The following CAMK2D variants were observed in gnomAD, a reference collection of about 807,000 sequenced individuals.
The protein encoded by CAMK2D is calcium/calmodulin dependent protein kinase II delta.
A neutral mutation model predicts 84.0 loss-of-function variants in CAMK2D; 37 were observed. The observed-to-expected ratio is 0.44, with a 90% CI of 0.34 to 0.58. CAMK2D has a LOEUF of 0.58. Ranked by LOEUF, CAMK2D falls within the 20% of genes least tolerant of loss-of-function variation. The pLI is 0.02. For synonymous variants in CAMK2D, 202 were observed against 212.5 expected, an observed-to-expected ratio of 0.95 and a Z score of 0.43; for missense variants, 448 against 652.5, an observed-to-expected ratio of 0.69 and a Z score of 3.41.
intron 2 of CAMK2D, among the ~76,000 whole-genome samples, chr4:113,741,759 T>C (rs141386030): frequency 1.2e-4 from 19 of 152,296 alleles, no homozygotes; most frequent in African/African-American, 4.6e-4. Flanking sequence ...TAAAAGACTC[T>C]ACACAATCCA....
chr4:113,731,348 T>C (rs1161404697), intron 2 of CAMK2D, among the ~76,000 whole-genome samples: 2 of 152,190 alleles, frequency 1.3e-5, no homozygotes, highest in Admixed American at 1.3e-4. Context: ...TCTCAGGCCT[T>C]ATAAAGAAAT....
At chr4:113,645,429 G>T (rs184540467) in intron 3 of CAMK2D, among the ~76,000 whole-genome samples, 1 of 152,194 alleles carries the variant, frequency 6.6e-6, no homozygotes, top group African/African-American at 2.4e-5. Flanking sequence ...TTCTGTGGCT[G>T]TTTTTGTGCT....
chr4:113,530,825 CT>C (rs1351430150), intron 8 of CAMK2D, among the ~76,000 whole-genome samples: 1 of 152,200 alleles, frequency 6.6e-6, no homozygotes, highest in African/African-American at 2.4e-5. Flanking sequence ...TGGCTCACAC[CT>C]GTAATCCCAG....
In CAMK2D at chr4:113,513,223, G is replaced by C. The variant is rs1590476340; in HGVS notation, c.946+105C>G. On this transcript the variant is annotated intron_variant, in intron 12 of 20. Transcript: ENST00000511664. ...CACACATTTGCCACCCCTGAACAAT[G>C]AAGTTTTTCTAATTATTAGATTTTT... The C allele has an allele frequency of 3.2e-6, 5 of 1,566,068 alleles. No individual in the cohort carries two copies. In the Admixed American group the frequency reaches 9.5e-5, roughly 30 times the overall value.
At chr4:113,754,449 C>T in intron 2 of CAMK2D, 1 of 934,700 alleles carries the variant, frequency 1.1e-6, no homozygotes, top group Non-Finnish European at 1.3e-6. Context: ...TAAAAAGATC[C>T]ATAAAAGGTG....
At chr4:113,736,101 T>C (rs761635547) in intron 2 of CAMK2D, among the ~76,000 whole-genome samples, 3 of 144,102 alleles carry the variant, frequency 2.1e-5, no homozygotes, top group Non-Finnish European at 3.0e-5. Flanking sequence ...CACTTTCAAA[T>C]AGAAATAGCC....
intron 3 of CAMK2D, among the ~76,000 whole-genome samples, chr4:113,628,669 G>A (rs889049048): frequency 2.6e-5 from 4 of 151,954 alleles, no homozygotes; most frequent in Admixed American, 6.6e-5. Flanking sequence ...TAAATAAAAC[G>A]GGTATAAAAG....
intron 16 of CAMK2D, among the ~76,000 whole-genome samples, chr4:113,480,828 G>A (rs2097692758): frequency 6.6e-6 from 1 of 151,750 alleles, no homozygotes; most frequent in South Asian, 2.1e-4. Flanking sequence ...GTGACAGGGT[G>A]AGACTCCTCT....
At chr4:113,680,640 A>C (rs907787174) in intron 2 of CAMK2D, among the ~76,000 whole-genome samples, 1 of 152,230 alleles carries the variant, frequency 6.6e-6, no homozygotes, top group Non-Finnish European at 1.5e-5. Flanking sequence ...CTTAGGAATT[A>C]TCTGGCTATG....
chr4:113,473,465 CTT>C (rs962409583), intron 16 of CAMK2D, among the ~76,000 whole-genome samples: 5 of 152,134 alleles, frequency 3.3e-5, no homozygotes, highest in African/African-American at 9.7e-5. Context: ...TAAAATCAAA[CTT>C]ATCACAGATT....
At chr4:113,483,940 A>G (rs1277714051) in intron 16 of CAMK2D, among the ~76,000 whole-genome samples, 1 of 152,182 alleles carries the variant, frequency 6.6e-6, no homozygotes, top group African/African-American at 2.4e-5. Flanking sequence ...CATATAAGCA[A>G]TAATTGGTTA....
intron 3 of CAMK2D, among the ~76,000 whole-genome samples, chr4:113,612,973 A>G (rs1029639778): frequency 6.6e-6 from 1 of 152,112 alleles, no homozygotes; most frequent in African/African-American, 2.4e-5. Context: ...ATTCCATTGC[A>G]GTTTCTAGCT....
At chr4:113,755,268 A>G (rs1314585354) in intron 2 of CAMK2D, among the ~76,000 whole-genome samples, 2 of 151,460 alleles carry the variant, frequency 1.3e-5, no homozygotes, top group Non-Finnish European at 3.0e-5. Context: ...TAGTTTTATA[A>G]AGTCCTGATT....
At chr4:113,473,142 A>T (rs1217103057) in intron 16 of CAMK2D, among the ~76,000 whole-genome samples, 1 of 152,244 alleles carries the variant, frequency 6.6e-6, no homozygotes, top group Non-Finnish European at 1.5e-5. Flanking sequence ...TGGCAAGGTG[A>T]CTGACTACTT....
chr4:113,724,485 A>G (rs1340236679), intron 2 of CAMK2D, among the ~76,000 whole-genome samples: 3 of 151,694 alleles, frequency 2.0e-5, no homozygotes, highest in Non-Finnish European at 2.9e-5. Flanking sequence ...AGAAATATTA[A>G]TGTATTTAAT....
At chr4:113,478,876 AT>A (rs1222965234) in intron 16 of CAMK2D, among the ~76,000 whole-genome samples, 4 of 151,714 alleles carry the variant, frequency 2.6e-5, no homozygotes, top group Non-Finnish European at 5.9e-5. Context: ...TTGGAGCAGG[AT>A]TTTTTTTTCT....
At chr4:113,455,107 A>G (rs2097289402) in intron 20 of CAMK2D, among the ~76,000 whole-genome samples, 1 of 152,222 alleles carries the variant, frequency 6.6e-6, no homozygotes, top group African/African-American at 2.4e-5. Flanking sequence ...AGCACCATAC[A>G]TATCTGAATG....
intron 6 of CAMK2D, among the ~76,000 whole-genome samples, chr4:113,538,885 C>T (rs1362726224): frequency 2.6e-5 from 4 of 152,132 alleles, no homozygotes; most frequent in South Asian, 4.1e-4. Flanking sequence ...TCAGATTCAT[C>T]GCTATTATGA....
chr4:113,619,251 T>G (rs2099034977), intron 3 of CAMK2D, among the ~76,000 whole-genome samples: 1 of 152,030 alleles, frequency 6.6e-6, no homozygotes, highest in South Asian at 2.1e-4. Flanking sequence ...TCTGACCACT[T>G]TTCATCTCCT....
Sources: allele counts gnomAD v4.1 joint callset (sites outside exome capture counted in the v4.1 genomes callset), GRCh38; gene constraint gnomAD v4.1.1; transcripts MANE v1.5; gene names NCBI Gene and HGNC (gene_info 2026-07-23, HGNC 2026-07-21).